OR2L13: variants seen among roughly 807,000 people sequenced by gnomAD.
OR2L13 encodes the protein olfactory receptor 2L13.
A neutral mutation model predicts 15.3 loss-of-function variants in OR2L13; 14 were observed. The ratio of observed to expected loss-of-function variants is 0.91; its 90% confidence interval spans 0.60 to 1.43. The LOEUF is 1.43. Among genes scored for constraint, OR2L13 ranks in the 40% most tolerant of loss-of-function variants. OR2L13 has a pLI of 0.00. For synonymous variants in OR2L13, 152 were observed against 142.9 expected (o/e 1.06, Z -0.45); for missense variants, 367 against 387.9 (o/e 0.95, Z 0.45).
At chr1:248,006,736 AAAG>A in the OR2L13 span, among the ~76,000 whole-genome samples, 2 of 152,140 alleles carry the variant, frequency 1.3e-5, no homozygotes, top group Admixed American at 1.3e-4. Context: ...GTGCCTTTCT[AAAG>A]AAGGCTTGAG....
chr1:248,047,489 G>A, the OR2L13 span, among the ~76,000 whole-genome samples: 2 of 152,132 alleles, frequency 1.3e-5, no homozygotes, highest in African/African-American at 4.8e-5. Context: ...CTTAAAAGAA[G>A]GATGTTCTTC....
the OR2L13 span, among the ~76,000 whole-genome samples, chr1:247,977,364 A>C: frequency 1.3e-5 from 2 of 152,120 alleles, no homozygotes; most frequent in Non-Finnish European, 2.9e-5. Flanking sequence ...TCTATATTAA[A>C]TCTCTTGATT....
the OR2L13 span, among the ~76,000 whole-genome samples, chr1:248,078,087 A>C: frequency 6.6e-6 from 1 of 152,264 alleles, no homozygotes; most frequent in African/African-American, 2.4e-5. Context: ...ATCTGTGATA[A>C]AATAAACTAC....
chr1:247,937,438 T>G, the OR2L13 span: 1 of 158,232 alleles, frequency 6.3e-6, no homozygotes, highest in Non-Finnish European at 1.4e-5. Context: ...TCTCCCTTCT[T>G]GCTCCCGACT....
the OR2L13 span, among the ~76,000 whole-genome samples, chr1:248,047,958 C>A: frequency 1.1e-4 from 17 of 152,184 alleles, no homozygotes; most frequent in South Asian, 2.1e-4. Flanking sequence ...CAGGGTCAGA[C>A]ATTCAGCAAC....
At chr1:248,096,149 T>C (rs1052485044), upstream of OR2L13, among the ~76,000 whole-genome samples, 4 of 151,452 alleles carry the variant, frequency 2.6e-5, no homozygotes, top group Admixed American at 6.6e-5. Context: ...GAGGCCGAGG[T>C]GGGCAGATCA....
chr1:248,032,870 A>G, the OR2L13 span, among the ~76,000 whole-genome samples: 1 of 152,278 alleles, frequency 6.6e-6, no homozygotes, highest in Non-Finnish European at 1.5e-5. Flanking sequence ...TCAGAAGTGA[A>G]ATAGTTGGAA....
the OR2L13 span, among the ~76,000 whole-genome samples, chr1:248,078,554 T>C: frequency 6.6e-6 from 1 of 152,018 alleles, no homozygotes; most frequent in Non-Finnish European, 1.5e-5. Flanking sequence ...TGCAGTTAAA[T>C]ATATATTTAT....
At chr1:247,955,677 A>C in the OR2L13 span, among the ~76,000 whole-genome samples, 1 of 77,884 alleles carries the variant, frequency 1.3e-5, no homozygotes, top group African/African-American at 2.8e-5. Flanking sequence ...TGTAGTTTTG[A>C]TTTGCATTTC....
chr1:248,072,291 T>C, the OR2L13 span, among the ~76,000 whole-genome samples: 2 of 152,166 alleles, frequency 1.3e-5, no homozygotes, highest in Non-Finnish European at 2.9e-5. Context: ...TATAGATCAA[T>C]GGAACAGAAC....
chr1:247,939,841 A>G, the OR2L13 span, among the ~76,000 whole-genome samples: 1 of 152,196 alleles, frequency 6.6e-6, no homozygotes. Context: ...ACCGATTTCA[A>G]TCACTCAACA....
At chr1:247,965,847 C>T in the OR2L13 span, 2 of 1,613,634 alleles carry the variant, frequency 1.2e-6, no homozygotes, top group Non-Finnish European at 1.7e-6. Context: ...TCAATGCTTT[C>T]ATACATACAT....
At chr1:247,966,372 A>G in the OR2L13 span, 23 of 1,568,478 alleles carry the variant, frequency 1.5e-5, no homozygotes, top group Non-Finnish European at 1.9e-5. Context: ...GCTGTTCCTG[A>G]AAACTATCTG....
At chr1:248,077,251 T>A in the OR2L13 span, among the ~76,000 whole-genome samples, 2 of 152,330 alleles carry the variant, frequency 1.3e-5, no homozygotes, top group Non-Finnish European at 2.9e-5. Flanking sequence ...TGCCAGTATT[T>A]TACTGAGGAT....
chr1:247,981,920 A>G, the OR2L13 span, among the ~76,000 whole-genome samples: 3,687 of 149,284 alleles, frequency 0.025, 217 homozygotes, highest in African/African-American at 0.088. Context: ...GGTTCACGCC[A>G]TTCTCCTGCC....
At chr1:248,051,050 CTG>C in the OR2L13 span, 1 of 152,168 alleles carries the variant, frequency 6.6e-6, no homozygotes, top group African/African-American at 2.4e-5. Flanking sequence ...GTGTAGAATT[CTG>C]TGTCATTAAG....
chr1:247,972,151 C>G, the OR2L13 span, among the ~76,000 whole-genome samples: 3 of 152,016 alleles, frequency 2.0e-5, no homozygotes, highest in East Asian at 1.9e-4. Context: ...GCACTAAATG[C>G]CCACATTAGA....
chr1:248,052,016 A>G, the OR2L13 span, among the ~76,000 whole-genome samples: 2 of 152,176 alleles, frequency 1.3e-5, no homozygotes, highest in Non-Finnish European at 2.9e-5. Context: ...TGCAGATATT[A>G]AATGCATTTT....
At chr1:247,998,411 C>T in the OR2L13 span, among the ~76,000 whole-genome samples, 1 of 152,078 alleles carries the variant, frequency 6.6e-6, no homozygotes. Flanking sequence ...GGCAACATTT[C>T]CTCATTCCTA....
Sources: allele counts gnomAD v4.1 joint callset (sites outside exome capture counted in the v4.1 genomes callset), GRCh38; gene constraint gnomAD v4.1.1; transcripts MANE v1.5; gene names NCBI Gene and HGNC (gene_info 2026-07-23, HGNC 2026-07-21).